Variants in SUSD2 observed in about 807,000 individuals in gnomAD.
SUSD2 encodes sushi domain containing 2.
SUSD2 carries 86 observed loss-of-function variants against 93.8 expected under a neutral mutation model. That is an observed-to-expected ratio of 0.92 (90% CI 0.77 to 1.10). SUSD2 has a LOEUF of 1.10. SUSD2 is among the 50% of genes least tolerant of loss of function. SUSD2 has a pLI of 0.00. For missense variants in SUSD2, 1,060 were observed against 1,137.0 expected, an observed-to-expected ratio of 0.93 and a Z score of 0.97; for synonymous variants, 483 against 485.0, an observed-to-expected ratio of 1.00 and a Z score of 0.05.
chr22:24,184,801 TCGTACCTGTACC>T lies in SUSD2; in HGVS notation c.645_656del (p.Tyr216_Pro219del), dbSNP rs2047349379. ...CTCACAGGAGTGGACTGCAAAGTGG[TCGTACCTGTACC>T]CCCTGGCCACACACATCCCCAACTC... On this transcript the variant is annotated inframe_deletion, in exon 5 of 15. Coordinates refer to ENST00000358321, the MANE Select transcript of SUSD2 (RefSeq NM_019601.4). The T allele has an allele frequency of 6.2e-7, 1 of 1,610,398 alleles. No individual in the cohort carries two copies. The highest frequency in any genetic ancestry group is 1.1e-5 in the South Asian group (1 of 90,598).
chr22:24,188,090 C>T lies in SUSD2; in HGVS notation c.2296C>T (p.Gln766Ter). The change falls in exon 13 of 15, where the codon CAG (glutamine) becomes TAG (stop). Residue 766 changes from glutamine (Q) to a stop codon, truncating the protein, a stop_gained. Coordinates refer to ENST00000358321, the MANE Select transcript of SUSD2 (RefSeq NM_019601.4). LOFTEE classifies it high-confidence loss of function. The surrounding 1 kb of genome is among the most constrained non-coding windows in gnomAD (Gnocchi z 4.7). The part of the protein sequence containing the change: ...SLAGAETSTC[Q>*]ADGTWSSPTP... Reference sequence around the variant, plus strand: ...GGCCGGGGCAGAGACCAGCACCTGCCAGGCTGACGGCACCTGGTCCTCACC... The same window carrying T: ...GGCCGGGGCAGAGACCAGCACCTGCTAGGCTGACGGCACCTGGTCCTCACC... 1 of 1,612,958 alleles carries T rather than the reference C, an allele frequency of 6.2e-7. No homozygotes were observed. The highest frequency in any genetic ancestry group is 8.5e-7 in the Non-Finnish European group (1 of 1,179,930).
chr22:24,189,055 AG>A lies in SUSD2; in HGVS notation c.*621del, dbSNP rs1333349990. 4 of 152,424 alleles carry A rather than the reference AG, an allele frequency of 2.6e-5. No homozygotes were observed. The highest frequency in any genetic ancestry group is 4.1e-4 in the South Asian group (2 of 4,834). 9.4% of individuals were successfully genotyped at this position (152,424 alleles called of 1,614,324 possible). On this transcript the variant is annotated 3_prime_UTR_variant, in exon 15 of 15. Coordinates refer to ENST00000358321, the MANE Select transcript of SUSD2 (RefSeq NM_019601.4). Reference sequence around the variant, plus strand: ...TTCGAACTCTTCTGGAAGGTCACTCAGGAACACCCTCCCTGCCTGTGCAAAG... The same window carrying A: ...TTCGAACTCTTCTGGAAGGTCACTCAGAACACCCTCCCTGCCTGTGCAAAG...
chr22:24,187,892 C>T (rs938033480), intron 12 of SUSD2, 49 bp downstream of exon 12: 62 of 1,602,786 alleles, frequency 3.9e-5, no homozygotes, highest in Middle Eastern at 1.7e-4. Flanking sequence ...CAGGACCCCC[C>T]GGGGTGGCCA....
Position 24,183,487 on chromosome 22 carries a change from G to A in SUSD2, c.288-8G>A, listed in dbSNP as rs200170452. 41 of 1,607,298 alleles carry A rather than the reference G, an allele frequency of 2.6e-5. No individual in the cohort carries two copies. The highest frequency in any genetic ancestry group is 3.1e-5 in the Non-Finnish European group (37 of 1,177,312). ...ACCCAGCCCCTCCCACCACCACCAC[G>A]CCCACAGGTTTAAGGACAGCATCCA... On this transcript the variant is annotated splice_polypyrimidine_tract_variant and splice_region_variant and intron_variant, in intron 2 of 14. Coordinates refer to ENST00000358321, the MANE Select transcript of SUSD2 (RefSeq NM_019601.4).
At position 24,183,476 on chromosome 22, in the gene SUSD2, A is replaced by G; in HGVS notation, c.288-19A>G. On this transcript the variant is annotated intron_variant, in intron 2 of 14. Coordinates refer to ENST00000358321, the MANE Select transcript of SUSD2 (RefSeq NM_019601.4). ...AGCCTGCAATGACCCAGCCCCTCCCACCACCACCACGCCCACAGGTTTAAG... is the reference window on the plus strand; with the variant it reads ...AGCCTGCAATGACCCAGCCCCTCCCGCCACCACCACGCCCACAGGTTTAAG... 1 of 1,596,970 alleles carries G rather than the reference A, an allele frequency of 6.3e-7. No homozygotes were observed.
rs1412014661 is a variant in SUSD2, at chr22:24,188,165, G to T, written c.2341+30G>T. ...GGACACTCTGCTCATACACCTGCCT[G>T]CACCTGTCCCCACTCACCACCCCAG... On this transcript the variant is annotated intron_variant, in intron 13 of 14. Transcript: ENST00000358321. This position sits in a 1 kb window ranked among gnomAD's most constrained non-coding sequence, Gnocchi z 4.7. The T allele has an allele frequency of 3.1e-6, 5 of 1,602,258 alleles. No individual in the cohort carries two copies. In the South Asian group the frequency reaches 3.3e-5, roughly 11 times the overall value.
chr22:24,183,809 C>G, intron 3 of SUSD2, 163 bp downstream of exon 3: 5 of 831,406 alleles, frequency 6.0e-6, no homozygotes, highest in Non-Finnish European at 9.2e-6. Context: ...CTTTCCACTC[C>G]CTGGCATCCA....
Position 24,187,230 on chromosome 22 carries a change from C to T in SUSD2, c.1671C>T (p.Asp557=). The T allele has an allele frequency of 6.2e-7, 1 of 1,613,386 alleles. No individual in the cohort carries two copies. ...KGMFLSVAAG[D]RVSIMLASGA... is the part of the protein sequence containing the mutation. ...TGTTCCTGTCGGTGGCTGCCGGGGA[C>T]AGGGTCTCCATCATGCTGGCATCAG... The change falls in exon 11 of 15, where the codon GAC becomes GAT. Residue 557 remains aspartate (D), a synonymous_variant. Transcript: ENST00000358321.
rs1163816927 is a variant in SUSD2 at position 24,185,474 on chromosome 22, G to C, written c.985-12G>C. 1 of 1,556,484 alleles carries C rather than the reference G, an allele frequency of 6.4e-7. No homozygotes were observed. Among genetic ancestry groups the C allele is most frequent in the South Asian group, 1.2e-5 (1 of 84,836 alleles). On this transcript the variant is annotated splice_polypyrimidine_tract_variant and intron_variant, in intron 6 of 14. Transcript: ENST00000358321. ...CGAGGCCACTGGGTGACAGCCACCTGCTGCTCTGCAGACGGACTACGGCTG... is the reference window on the plus strand; with the variant it reads ...CGAGGCCACTGGGTGACAGCCACCTCCTGCTCTGCAGACGGACTACGGCTG...
chr22:24,187,226 G>A lies in SUSD2; in HGVS notation c.1667G>A (p.Gly556Glu). 1 of 1,613,328 alleles carries A rather than the reference G, an allele frequency of 6.2e-7. No individual in the cohort carries two copies. Among genetic ancestry groups the A allele is most frequent in the Non-Finnish European group, 8.5e-7 (1 of 1,179,954 alleles). The stretch of plus-strand genomic sequence containing the variant: ...GGAATGTTCCTGTCGGTGGCTGCCG[G>A]GGACAGGGTCTCCATCATGCTGGCA... Reference protein sequence around the residue: ...LKGMFLSVAAGDRVSIMLASG... With the variant: ...LKGMFLSVAAEDRVSIMLASG... The change falls in exon 11 of 15, where the codon GGG becomes GAG. Residue 556 changes from glycine (G) to glutamate (E), a missense_variant. By Grantham distance (98) the Gly-to-Glu change is moderately conservative. Coordinates refer to ENST00000358321, the MANE Select transcript of SUSD2 (RefSeq NM_019601.4).
In SUSD2 at chr22:24,184,235, T is replaced by G. The variant is rs1412588075; in HGVS notation, c.539T>G (p.Leu180Arg). 1 of 1,613,656 alleles carries G rather than the reference T, an allele frequency of 6.2e-7. No homozygotes were observed. Among genetic ancestry groups the G allele is most frequent in the East Asian group, 2.2e-5 (1 of 44,888 alleles). Residue 180 changes from leucine to arginine, a missense_variant, in exon 4 of 15, where the codon CTG (leucine) becomes CGG (arginine). By Grantham distance (102) the Leu-to-Arg change is moderately radical. Coordinates refer to ENST00000358321, the MANE Select transcript of SUSD2 (RefSeq NM_019601.4). ...GTANTSGNLSLTWHVKSLPTQ... is the reference protein window; with the variant it reads ...GTANTSGNLSRTWHVKSLPTQ... ...GCCAACACCTCAGGCAACCTCAGCC[T>G]GACCTGGCATGTCAAGTCGCTGCCC...
chr22:24,184,631 T>A (rs541867470), intron 4 of SUSD2, 135 bp from the exon 5 acceptor site: 1 of 701,900 alleles, frequency 1.4e-6, no homozygotes, highest in African/African-American at 1.8e-5. Flanking sequence ...CAAGCCGGGG[T>A]CCCTGCTAGA....
rs779729159 is a variant in SUSD2, at chr22:24,187,324, C to T, written c.1765C>T (p.Leu589Phe). 1 of 1,614,006 alleles carries T rather than the reference C, an allele frequency of 6.2e-7. No homozygotes were observed. The highest frequency in any genetic ancestry group is 8.5e-7 in the Non-Finnish European group (1 of 1,180,036). Residue 589 changes from leucine to phenylalanine, a missense_variant, in exon 11 of 15, where the codon CTC (leucine) becomes TTC (phenylalanine). Leu to Phe is a conservative substitution (Grantham distance 22). Around this residue, in one of 2 missense-constraint regions of SUSD2, gnomAD observed 973 missense variants for 1,005.3 expected, o/e 0.97. Coordinates refer to ENST00000358321, the MANE Select transcript of SUSD2 (RefSeq NM_019601.4). Reference sequence around the variant, plus strand: ...GTCCGTCCTGCTGCCTGAGAAGTTCCTCACCCACACCCACGGCCTCCTCGG... The same window carrying T: ...GTCCGTCCTGCTGCCTGAGAAGTTCTTCACCCACACCCACGGCCTCCTCGG... ...SVSVLLPEKFLTHTHGLLGTL... is the reference protein window; with the variant it reads ...SVSVLLPEKFFTHTHGLLGTL...
chr22:24,186,445 G>T, intron 10 of SUSD2, 30 bp downstream of exon 10: 2 of 1,607,628 alleles, frequency 1.2e-6, no homozygotes, highest in South Asian at 2.2e-5. Flanking sequence ...GAGGCTGCGG[G>T]CTGCCCTCAC....
At chr22:24,183,695 A>G (rs778285976) in intron 3 of SUSD2, 49 bp downstream of exon 3, 1 of 1,581,194 alleles carries the variant, frequency 6.3e-7, no homozygotes, top group East Asian at 2.2e-5. Flanking sequence ...GACTTTCCCC[A>G]GCGCTAATCT....
Position 24,184,811 on chromosome 22 carries a change from AC to A in SUSD2, c.658del (p.Leu220TrpfsTer58). The A allele has an allele frequency of 1.2e-6, 2 of 1,612,240 alleles. No individual in the cohort carries two copies. The highest frequency in any genetic ancestry group is 1.7e-5 in the Admixed American group (1 of 59,730). On this transcript the variant is annotated frameshift_variant, in exon 5 of 15. Transcript: ENST00000358321. LOFTEE classifies it high-confidence loss of function. ...TGGACTGCAAAGTGGTCGTACCTGT[AC>A]CCCCTGGCCACACACATCCCCAACT... ...QEWTAKWSYLYPLATHIPNSG... is the reference protein window; with the variant it reads ...QEWTAKWSYLXPLATHIPNSG...
In SUSD2 at chr22:24,186,016, C is replaced by T; in HGVS notation, c.1340C>T (p.Ala447Val). Residue 447 changes from alanine to valine, a missense_variant and splice_region_variant, in exon 9 of 15, where the codon GCC (alanine) becomes GTC (valine). This residue lies in a region of SUSD2 where 973 missense variants were observed against 1,005.3 expected (regional missense o/e 0.97). Coordinates refer to ENST00000358321, the MANE Select transcript of SUSD2 (RefSeq NM_019601.4). ...ACGTGACCCTCCACTCTCACCCTAG[C>T]CTCCGCCTTCGGAGACCCACACTTT... ...DCRNYRPPRL[A>V]SAFGDPHFVT... 1.9e-6 allele frequency: 3 copies of T among 1,606,510 alleles called. No individual in the cohort carries two copies. Among genetic ancestry groups the T allele is most frequent in the Non-Finnish European group, 2.6e-6 (3 of 1,175,756 alleles).
Position 24,181,570 on chromosome 22 carries a change from C to T in SUSD2, c.51C>T (p.Leu17=), listed in dbSNP as rs201642977. Residue 17 remains leucine, a synonymous_variant, in exon 1 of 15, where the codon CTC becomes CTT. Transcript: ENST00000358321. ...PWALLLLATA[L]GPGPGPTADA... Reference sequence around the variant, plus strand: ...CCCTGCTGCTGCTGGCGACAGCCCTCGGCCCGGGCCCCGGACCCACAGCAG... The same window carrying T: ...CCCTGCTGCTGCTGGCGACAGCCCTTGGCCCGGGCCCCGGACCCACAGCAG... The T allele has an allele frequency of 1.5e-5, 24 of 1,600,136 alleles. No homozygotes were observed. Among genetic ancestry groups the T allele is most frequent in the East Asian group, 1.1e-4 (5 of 44,494 alleles).
Position 24,186,155 on chromosome 22 carries a change from C to T in SUSD2, c.1479C>T (p.Ser493=), listed in dbSNP as rs369547899. The T allele has an allele frequency of 2.9e-5, 46 of 1,609,056 alleles. No individual in the cohort carries two copies. In the African/African-American group the frequency reaches 5.9e-4, roughly 21 times the overall value. ...VQARAQPGTM[S]NGTETRGTGL... ...CGCGGGCCCAGCCCGGGACGATGTCCAACGGTGAGGCCAGGGCTAGGGGCT... is the reference window on the plus strand; with the variant it reads ...CGCGGGCCCAGCCCGGGACGATGTCTAACGGTGAGGCCAGGGCTAGGGGCT... Residue 493 remains serine (S), a synonymous_variant, in exon 9 of 15, where the codon TCC becomes TCT. Transcript: ENST00000358321.
Sources: gnomAD v4.1 joint callset for allele counts on GRCh38, gnomAD v4.1.1 for gene constraint, gnomAD v4.1.1 regional missense constraint, Gnocchi (gnomAD v3.1) non-coding constraint, MANE v1.5 for transcripts, NCBI Gene and HGNC (gene_info 2026-07-23, HGNC 2026-07-21) for gene names.